The following TOPBP1 variants were observed in gnomAD, a reference collection of about 807,000 sequenced individuals.
The protein encoded by TOPBP1 is DNA topoisomerase II binding protein 1.
Under a neutral mutation model 167.7 loss-of-function variants are expected in TOPBP1, and 28 were observed. That is an observed-to-expected ratio of 0.17 (90% confidence interval 0.12 to 0.23). The LOEUF is 0.23. TOPBP1 is among the 10% of genes least tolerant of loss of function. TOPBP1 has a pLI of 1.00. For missense variants in TOPBP1, 1,554 were observed against 1,809.6 expected, an observed-to-expected ratio of 0.86 and a Z score of 2.56; for synonymous variants, 598 against 611.4, an observed-to-expected ratio of 0.98 and a Z score of 0.32.
In TOPBP1 at chr3:133,643,384, A is replaced by C. The variant is rs1342920449; in HGVS notation, c.1849-12T>G. Reference sequence around the variant, plus strand: ...TCTATGCAAGTAACCTTTTAAAAACAAAAGAAATAGTAAAGCCAACCTGAA... The same window carrying C: ...TCTATGCAAGTAACCTTTTAAAAACCAAAGAAATAGTAAAGCCAACCTGAA... On this transcript the variant is annotated splice_polypyrimidine_tract_variant and intron_variant, in intron 11 of 27. Transcript: ENST00000260810. 6.4e-7 allele frequency: 1 copy of C among 1,557,450 alleles called. No individual in the cohort carries two copies. Among genetic ancestry groups the C allele is most frequent in the Non-Finnish European group, 8.6e-7 (1 of 1,157,090 alleles).
At position 133,645,306 on chromosome 3, in the gene TOPBP1, G is replaced by T. The variant is rs368965906; in HGVS notation, c.1505-943C>A. 5.3e-5 allele frequency among the ~76,000 whole-genome samples: 8 copies of T among 152,266 alleles called. 1 individual carries two copies. The highest frequency in any genetic ancestry group is 1.9e-4 in the East Asian group (1 of 5,186). On this transcript the variant is annotated intron_variant, in intron 10 of 27. Transcript: ENST00000260810. ...AAGGAAGCATAGTTTTGTCTAGGGA[G>T]TTTACTGGTCAGTAAGTCAGGAGAG...
chr3:133,653,540 A>G lies in TOPBP1; in HGVS notation c.743-16T>C. ...TACTTCTGACCTGTGGCGTTCATTA[A>G]GAAAGAAATAGAGAAAATAGGAGAA... On this transcript the variant is annotated splice_polypyrimidine_tract_variant and intron_variant, in intron 6 of 27. Transcript: ENST00000260810. 1 of 1,518,378 alleles carries G rather than the reference A, an allele frequency of 6.6e-7. No individual in the cohort carries two copies. The highest frequency in any genetic ancestry group is 8.8e-7 in the Non-Finnish European group (1 of 1,137,654). 94.1% of individuals were successfully genotyped at this position (1,518,378 alleles called of 1,614,324 possible). A position where few individuals can be genotyped will look rare whatever the true frequency, so the allele number is the denominator to read the frequency against.
At chr3:133,621,512 T>C (rs1406257868) in intron 19 of TOPBP1, among the ~76,000 whole-genome samples, 1 of 152,224 alleles carries the variant, frequency 6.6e-6, no homozygotes, top group African/African-American at 2.4e-5. Flanking sequence ...TTAGGTATTA[T>C]AAGTAATCCA....
intron 16 of TOPBP1, among the ~76,000 whole-genome samples, chr3:133,625,757 G>T (rs1935247596): frequency 6.6e-6 from 1 of 151,168 alleles, no homozygotes; most frequent in Admixed American, 6.6e-5. Context: ...TTAAGAAAAA[G>T]AAGTAAGAAG....
At chr3:133,631,453 AT>A (rs1399292557) in intron 14 of TOPBP1, among the ~76,000 whole-genome samples, 1 of 151,942 alleles carries the variant, frequency 6.6e-6, no homozygotes, top group South Asian at 2.1e-4. Context: ...TACTTTTCAG[AT>A]TTTTTTTAAT....
rs1934586838 is a variant in TOPBP1, at chr3:133,608,923, G to C, written c.4213C>G (p.Gln1405Glu). ...SGWKVILHVD[Q>E]SREAGFKRLL... ...CGTTTGAAGCCTGCTTCTCGAGACT[G>C]ATCCACATGTAAAATAACCTTCCAC... The change falls in exon 26 of 28, where the codon CAG becomes GAG. Residue 1405 changes from glutamine (Q) to glutamate (E), a missense_variant. By Grantham distance (29) the Gln-to-Glu change is conservative (BLOSUM62 2). Around this residue, in one of 3 missense-constraint regions of TOPBP1, gnomAD observed 351 missense variants for 432.9 expected, o/e 0.81. Transcript: ENST00000260810. 2 of 1,613,272 alleles carry C rather than the reference G, an allele frequency of 1.2e-6. No homozygotes were observed. The highest frequency in any genetic ancestry group is 1.7e-6 in the Non-Finnish European group (2 of 1,179,664).
At position 133,628,702 on chromosome 3, in the gene TOPBP1, C is replaced by T. The variant is rs192653358; in HGVS notation, c.2552G>A (p.Arg851His). Residue 851 changes from arginine (R) to histidine (H), a missense_variant, in exon 15 of 28, where the codon CGT becomes CAT. Physicochemically the swap from Arg to His is conservative, Grantham distance 29 (BLOSUM62 0). Coordinates refer to ENST00000260810, the MANE Select transcript of TOPBP1 (RefSeq NM_007027.4). Reference protein sequence around the residue: ...DALAALETPGRPSQQKRKPST... With the variant: ...DALAALETPGHPSQQKRKPST... ...CGGTTTCCTTTTCTGTTGGCTGGGA[C>T]GTCCTGGAGTTTCCAAGGCTGCAAG... The T allele has an allele frequency of 5.7e-5, 89 of 1,554,200 alleles. 1 individual carries two copies. Among genetic ancestry groups the T allele is most frequent in the Middle Eastern group, 3.3e-4 (2 of 5,998 alleles).
At chr3:133,655,225 T>A (rs959199760) in intron 6 of TOPBP1, 65 bp downstream of exon 6, 79 of 1,041,232 alleles carry the variant, frequency 7.6e-5, no homozygotes, top group Middle Eastern at 3.2e-4. Context: ...AATAAATAAA[T>A]AAAAATAAAA....
chr3:133,622,715 C>T (rs1935134337), intron 19 of TOPBP1, among the ~76,000 whole-genome samples: 2 of 152,040 alleles, frequency 1.3e-5, no homozygotes, highest in African/African-American at 2.4e-5. Context: ...CTCAAAAGAA[C>T]TGGACCAAAG....
At chr3:133,627,913 A>C (rs1441886209) in intron 16 of TOPBP1, among the ~76,000 whole-genome samples, 1 of 152,166 alleles carries the variant, frequency 6.6e-6, no homozygotes, top group East Asian at 1.9e-4. Flanking sequence ...CTCAAAAAAG[A>C]CTATCTTAAT....
intron 8 of TOPBP1, among the ~76,000 whole-genome samples, chr3:133,651,075 C>A (rs867891111): frequency 2.7e-5 from 4 of 145,970 alleles, no homozygotes; most frequent in Non-Finnish European, 5.9e-5. Flanking sequence ...CCAGCCTGGG[C>A]GACAGAGCAA....
intron 16 of TOPBP1, 171 bp downstream of exon 16, chr3:133,628,191 G>T: frequency 1.6e-6 from 1 of 627,958 alleles, no homozygotes; most frequent in Non-Finnish European, 2.8e-6. Flanking sequence ...GAATTGATAT[G>T]TGAGAGGCTA....
chr3:133,653,535 C>T lies in TOPBP1; in HGVS notation c.743-11G>A, dbSNP rs1936372756. On this transcript the variant is annotated splice_polypyrimidine_tract_variant and intron_variant, in intron 6 of 27. Transcript: ENST00000260810. ...ACTCATACTTCTGACCTGTGGCGTT[C>T]ATTAAGAAAGAAATAGAGAAAATAG... 1 of 1,515,812 alleles carries T rather than the reference C, an allele frequency of 6.6e-7. No homozygotes were observed. Among genetic ancestry groups the T allele is most frequent in the Non-Finnish European group, 8.8e-7 (1 of 1,136,400 alleles). 93.9% of individuals were successfully genotyped at this position (1,515,812 alleles called of 1,614,324 possible). A position where few individuals can be genotyped will look rare whatever the true frequency, so the allele number is the denominator to read the frequency against.
chr3:133,637,249 A>C (rs1293959128), intron 14 of TOPBP1, among the ~76,000 whole-genome samples: 1 of 152,234 alleles, frequency 6.6e-6, no homozygotes. Flanking sequence ...AAAAGCTACT[A>C]AAGAAATAAT....
chr3:133,616,364 C>T (rs1034595385), intron 23 of TOPBP1, among the ~76,000 whole-genome samples: 1 of 152,058 alleles, frequency 6.6e-6, no homozygotes. Context: ...CCAGGTGATC[C>T]GCCCACCTCA....
intron 14 of TOPBP1, among the ~76,000 whole-genome samples, chr3:133,636,681 A>G (rs1187597145): frequency 2.0e-5 from 3 of 152,150 alleles, no homozygotes; most frequent in Non-Finnish European, 4.4e-5. Context: ...CACCAATATT[A>G]TTACATTTGC....
At chr3:133,617,526 A>C in intron 21 of TOPBP1, 200 bp from the exon 22 acceptor site, 1 of 463,974 alleles carries the variant, frequency 2.2e-6, no homozygotes, top group Non-Finnish European at 3.6e-6. Flanking sequence ...ATAACAATAA[A>C]GAAAAAATGC....
chr3:133,644,494 A>C, intron 10 of TOPBP1, 131 bp from the exon 11 acceptor site: 1 of 871,138 alleles, frequency 1.1e-6, no homozygotes, highest in South Asian at 2.0e-5. Context: ...TTACGTGTAT[A>C]ATAAAGGGAT....
intron 18 of TOPBP1, 56 bp downstream of exon 18, chr3:133,623,255 T>C: frequency 6.2e-7 from 1 of 1,611,930 alleles, no homozygotes; most frequent in Non-Finnish European, 8.5e-7. Flanking sequence ...TTCATAGCAA[T>C]ATATGATTAT....
Sources: allele counts gnomAD v4.1 joint callset (sites outside exome capture counted in the v4.1 genomes callset), GRCh38; gene constraint gnomAD v4.1.1; regional missense constraint gnomAD v4.1.1; transcripts MANE v1.5; gene names NCBI Gene and HGNC (gene_info 2026-07-23, HGNC 2026-07-21).